The following TUT4 variants were observed in gnomAD, a reference collection of about 807,000 sequenced individuals.
TUT4 encodes the protein terminal uridylyltransferase 4.
Under a neutral mutation model 192.2 loss-of-function variants are expected in TUT4, and 36 were observed. The ratio of observed to expected loss-of-function variants is 0.19; its 90% CI spans 0.14 to 0.25. TUT4 has a LOEUF of 0.25. Ranked by LOEUF, TUT4 falls within the 10% of genes least tolerant of loss-of-function variation. The pLI, the probability that TUT4 is intolerant of heterozygous loss-of-function variation, is 1.00. For missense variants in TUT4, 1,493 were observed against 1,957.2 expected (o/e 0.76, Z 4.47); for synonymous variants, 618 against 666.0 (o/e 0.93, Z 1.11).
Position 52,463,799 on chromosome 1 carries a change from C to T in TUT4, c.3069+1271G>A, listed in dbSNP as rs190659462. The T allele has an allele frequency of 3.8e-5, 50 of 1,303,926 alleles. 1 individual carries two copies. The East Asian group carries it at 1.3e-3, about 35-fold the overall frequency. 80.8% of individuals were successfully genotyped at this position (1,303,926 alleles called of 1,614,324 possible). A position where few individuals can be genotyped will look rare whatever the true frequency, so the allele number is the denominator to read the frequency against. On this transcript the variant is annotated intron_variant, in intron 16 of 29. Transcript: ENST00000257177. ...AGGCCTGGTATACAAAAAAGGAAAGCGTAAGTACCCACTCTTACTGCTGAA... is the reference window on the plus strand; with the variant it reads ...AGGCCTGGTATACAAAAAAGGAAAGTGTAAGTACCCACTCTTACTGCTGAA...
At chr1:52,524,764 C>T (rs1323639294) in intron 2 of TUT4, among the ~76,000 whole-genome samples, 3 of 152,144 alleles carry the variant, frequency 2.0e-5, no homozygotes, top group Non-Finnish European at 4.4e-5. Flanking sequence ...GATCGCACCA[C>T]TGCACTCCAG....
rs141846630 is a variant in TUT4 at position 52,457,202 on chromosome 1, T to C, written c.3435+1134A>G. ...TACTAAGGCTATCTGACACCTACTATATGGCTTATAATTTTGTGATTTTTC... is the reference window on the plus strand; with the variant it reads ...TACTAAGGCTATCTGACACCTACTACATGGCTTATAATTTTGTGATTTTTC... On this transcript the variant is annotated intron_variant, in intron 20 of 29. Coordinates refer to ENST00000257177, the MANE Select transcript of TUT4 (RefSeq NM_001009881.3). Among the ~76,000 whole-genome samples, 507 of 152,158 alleles carry C rather than the reference T, an allele frequency of 3.3e-3. 4 individuals carry two copies. Among genetic ancestry groups the C allele is most frequent in the African/African-American group, 0.011 (470 of 41,536 alleles).
chr1:52,436,657 T>C, intron 26 of TUT4, 98 bp downstream of exon 26: 1 of 1,543,314 alleles, frequency 6.5e-7, no homozygotes, highest in South Asian at 1.2e-5. Context: ...AATCATACAA[T>C]TAGGTTTGCA....
intron 2 of TUT4, among the ~76,000 whole-genome samples, chr1:52,524,336 C>A (rs966866155): frequency 1.3e-5 from 2 of 150,234 alleles, no homozygotes; most frequent in African/African-American, 4.9e-5. Context: ...GAGATTGAGA[C>A]CACGGTGAAA....
chr1:52,510,078 G>A (rs996523866), intron 3 of TUT4, among the ~76,000 whole-genome samples: 5 of 152,020 alleles, frequency 3.3e-5, no homozygotes, highest in Non-Finnish European at 7.4e-5. Flanking sequence ...TTGGGAGGAC[G>A]ACGCTGGCAG....
At chr1:52,553,206 G>C (rs1689941348), upstream of TUT4, 2 of 152,792 alleles carry the variant, frequency 1.3e-5, no homozygotes, top group African/African-American at 2.4e-5. Context: ...CGGGGGAGAG[G>C]GGGAGGGGAG....
At chr1:52,537,111 G>A (rs1685130371) in intron 1 of TUT4, among the ~76,000 whole-genome samples, 4 of 152,116 alleles carry the variant, frequency 2.6e-5, no homozygotes. Flanking sequence ...AGTGGGCCGA[G>A]ATTGTGCCAC....
At chr1:52,478,767 T>TA (rs1376530500) in intron 11 of TUT4, among the ~76,000 whole-genome samples, 1 of 152,182 alleles carries the variant, frequency 6.6e-6, no homozygotes, top group Non-Finnish European at 1.5e-5. Context: ...TGGCTAAAAG[T>TA]AACCACTAGG....
At chr1:52,543,646 G>A (rs1052377526) in intron 1 of TUT4, among the ~76,000 whole-genome samples, 10 of 151,740 alleles carry the variant, frequency 6.6e-5, no homozygotes, top group Non-Finnish European at 1.2e-4. Flanking sequence ...ACTGGGCCCA[G>A]GTAATTTTTG....
At chr1:52,470,191 A>G (rs1390758576) in intron 14 of TUT4, among the ~76,000 whole-genome samples, 6 of 151,936 alleles carry the variant, frequency 3.9e-5, no homozygotes, top group African/African-American at 1.2e-4. Context: ...CCAAACAAAC[A>G]AAAAAAACCA....
At chr1:52,449,973 A>T (rs894697896) in intron 20 of TUT4, among the ~76,000 whole-genome samples, 8 of 152,196 alleles carry the variant, frequency 5.3e-5, no homozygotes, top group East Asian at 3.9e-4. Flanking sequence ...GGTTAAAAAA[A>T]TTTTTCATAA....
Position 52,436,780 on chromosome 1 carries a change from G to A in TUT4, c.4137C>T (p.Ala1379=), listed in dbSNP as rs1653922792. 1.2e-6 allele frequency: 2 copies of A among 1,613,452 alleles called. No homozygotes were observed. Among genetic ancestry groups the A allele is most frequent in the South Asian group, 2.2e-5 (2 of 91,064 alleles). ...CTGCCACACTGCTATTCCTCTGACG[G>A]GCCAGCTTGACCTCTGGGCACTCCC... ...VRRECPEVKL[A]RQRNSSVAAA... The change falls in exon 26 of 30, where the codon GCC becomes GCT. Residue 1379 remains alanine, a synonymous_variant. Transcript: ENST00000257177.
chr1:52,528,849 A>G (rs970653433), intron 1 of TUT4, among the ~76,000 whole-genome samples: 1 of 152,012 alleles, frequency 6.6e-6, no homozygotes, highest in African/African-American at 2.4e-5. Context: ...CAAGCAACTA[A>G]GAACACAGGC....
chr1:52,520,610 ACTCT>A (rs1679983873), intron 2 of TUT4, among the ~76,000 whole-genome samples: 1 of 151,938 alleles, frequency 6.6e-6, no homozygotes, highest in African/African-American at 2.4e-5. Flanking sequence ...GATCAAGAAC[ACTCT>A]CTCCTCAAAT....
chr1:52,473,717 T>C (rs1336856591), intron 13 of TUT4, among the ~76,000 whole-genome samples: 1 of 152,202 alleles, frequency 6.6e-6, no homozygotes, highest in East Asian at 1.9e-4. Context: ...TTTTTAATAT[T>C]CTACTTGGCT....
intron 1 of TUT4, among the ~76,000 whole-genome samples, chr1:52,547,096 C>T (rs114556450): frequency 0.012 from 1,761 of 150,526 alleles, 45 homozygotes; most frequent in African/African-American, 0.042. Context: ...AAGGCAGAGG[C>T]TGCAGTGAGC....
At chr1:52,431,574 T>TA in intron 27 of TUT4, 114 bp from the exon 28 acceptor site, 1 of 817,802 alleles carries the variant, frequency 1.2e-6, no homozygotes, top group South Asian at 3.5e-5. Context: ...ATGATGTATA[T>TA]CATAACAAAT....
At chr1:52,531,301 CT>C (rs914484674) in intron 1 of TUT4, among the ~76,000 whole-genome samples, 1 of 151,636 alleles carries the variant, frequency 6.6e-6, no homozygotes, top group Non-Finnish European at 1.5e-5. Flanking sequence ...TTCTAACTCA[CT>C]ACAGCTTCGA....
chr1:52,487,073 G>A (rs553386132), intron 9 of TUT4, among the ~76,000 whole-genome samples: 6 of 152,168 alleles, frequency 3.9e-5, no homozygotes, highest in South Asian at 4.1e-4. Context: ...ATATTCTCAT[G>A]AATTATCTAA....
Sources: allele counts gnomAD v4.1 joint callset (sites outside exome capture counted in the v4.1 genomes callset), GRCh38; gene constraint gnomAD v4.1.1; transcripts MANE v1.5; gene names NCBI Gene and HGNC (gene_info 2026-07-23, HGNC 2026-07-21).